BCAS3: variants seen among roughly 807,000 people sequenced by gnomAD.
BCAS3 encodes the protein BCAS4/BCAS3 fusion.
A neutral mutation model predicts 116.1 loss-of-function variants in BCAS3; 53 were observed. The ratio of observed to expected loss-of-function variants is 0.46; its 90% CI spans 0.37 to 0.57. The LOEUF is 0.57. BCAS3 is among the 20% of genes least tolerant of loss of function. The pLI is 0.00. For synonymous variants in BCAS3, 391 were observed against 408.2 expected, an observed-to-expected ratio of 0.96 and a Z score of 0.51; for missense variants, 917 against 1,165.4, an observed-to-expected ratio of 0.79 and a Z score of 3.10.
chr17:61,324,092 A>G lies in BCAS3; in HGVS notation c.2426-44235A>G, dbSNP rs1323590057. 6.6e-6 allele frequency among the ~76,000 whole-genome samples: 1 copy of G among 152,188 alleles called. No homozygotes were observed. Among genetic ancestry groups the G allele is most frequent in the African/African-American group, 2.4e-5 (1 of 41,438 alleles). On this transcript the variant is annotated intron_variant, in intron 22 of 23. Transcript: ENST00000407086. This position sits in a 1 kb window ranked among gnomAD's most constrained non-coding sequence, Gnocchi z 4.6. The stretch of plus-strand genomic sequence containing the variant: ...GTGTGCTCTTGTAACCCTCTGCTAG[A>G]TCACTTAGCACATGGGACATACTGG...
At chr17:60,861,523 C>T (rs1007785904) in intron 7 of BCAS3, among the ~76,000 whole-genome samples, 1 of 152,104 alleles carries the variant, frequency 6.6e-6, no homozygotes, top group Non-Finnish European at 1.5e-5. Context: ...ACTTCCAGAA[C>T]TGTGTTGAAT....
rs532319011 is a variant in BCAS3 at position 61,307,242 on chromosome 17, C to T, written c.2426-61085C>T. 1.1e-4 allele frequency among the ~76,000 whole-genome samples: 16 copies of T among 152,340 alleles called. No individual in the cohort carries two copies. Among genetic ancestry groups the T allele is most frequent in the African/African-American group, 3.8e-4 (16 of 41,578 alleles). On this transcript the variant is annotated intron_variant, in intron 22 of 23. Transcript: ENST00000407086. This position sits in a 1 kb window ranked among gnomAD's most constrained non-coding sequence, Gnocchi z 4.7. ...GGCCCCAGAATACCCCACAGTTACA[C>T]CTCAGCTGTGGGTTCCTCTGGGACT... is the stretch of plus-strand genomic sequence containing the variant.
chr17:60,682,283 T>A (rs1038026508), intron 2 of BCAS3, among the ~76,000 whole-genome samples: 1 of 152,152 alleles, frequency 6.6e-6, no homozygotes, highest in East Asian at 1.9e-4. Context: ...AAGGTCTTGA[T>A]TCAAAGAAGA....
chr17:60,904,771 T>C (rs1567835306), intron 11 of BCAS3, among the ~76,000 whole-genome samples: 1 of 152,222 alleles, frequency 6.6e-6, no homozygotes, highest in Non-Finnish European at 1.5e-5. Context: ...AGGCCGAGGC[T>C]ACAGTGAGCC....
At chr17:60,898,435 G>A (rs957101575) in intron 10 of BCAS3, among the ~76,000 whole-genome samples, 6 of 151,992 alleles carry the variant, frequency 3.9e-5, no homozygotes, top group East Asian at 1.9e-4. Flanking sequence ...GGGTGTGTGC[G>A]GTAATGTAGT....
intron 22 of BCAS3, chr17:61,086,728 C>G: frequency 1.0e-6 from 1 of 985,278 alleles, no homozygotes; most frequent in Non-Finnish European, 1.2e-6. Context: ...AGCCATGGTA[C>G]CTTTCTGAAA....
Position 61,021,535 on chromosome 17 carries a change from T to G in BCAS3, c.1637+5634T>G, listed in dbSNP as rs1257525634. ...GCCAGTGTGTCCTAGGTAAATTTCTTCACCTGAAAAAAAAAAGTTTATATA... is the reference window on the plus strand; with the variant it reads ...GCCAGTGTGTCCTAGGTAAATTTCTGCACCTGAAAAAAAAAAGTTTATATA... On this transcript the variant is annotated intron_variant, in intron 16 of 23. Transcript: ENST00000407086. This position sits in a 1 kb window ranked among gnomAD's most constrained non-coding sequence, Gnocchi z 4.6. Among the ~76,000 whole-genome samples the G allele has an allele frequency of 6.6e-6, 1 of 151,906 alleles. No individual in the cohort carries two copies. The highest frequency in any genetic ancestry group is 1.5e-5 in the Non-Finnish European group (1 of 67,980).
intron 16 of BCAS3, among the ~76,000 whole-genome samples, chr17:61,016,265 A>G (rs1187604036): frequency 6.6e-6 from 1 of 152,232 alleles, no homozygotes; most frequent in Non-Finnish European, 1.5e-5. Flanking sequence ...ATTTTGACAG[A>G]TACAAATATG....
intron 23 of BCAS3, among the ~76,000 whole-genome samples, chr17:61,374,628 G>A (rs553540390): frequency 3.9e-5 from 6 of 152,234 alleles, no homozygotes; most frequent in African/African-American, 7.2e-5. Flanking sequence ...CCTGCCTGCC[G>A]TCTCTTTAAC....
intron 22 of BCAS3, among the ~76,000 whole-genome samples, chr17:61,116,652 T>C (rs1007440269): frequency 6.6e-6 from 1 of 152,238 alleles, no homozygotes; most frequent in Middle Eastern, 3.2e-3. Flanking sequence ...GATCTTCCTT[T>C]AGTCATTCTT....
At chr17:60,794,809 T>C (rs1460940752) in intron 6 of BCAS3, among the ~76,000 whole-genome samples, 1 of 152,184 alleles carries the variant, frequency 6.6e-6, no homozygotes, top group Non-Finnish European at 1.5e-5. Context: ...ACTATGGCCT[T>C]AGAATATGGT....
intron 22 of BCAS3, among the ~76,000 whole-genome samples, chr17:61,275,589 G>A (rs116330474): frequency 0.019 from 2,964 of 152,296 alleles, 83 homozygotes; most frequent in African/African-American, 0.066. Context: ...GTGGCTCACT[G>A]CAGCCTTGTC....
At chr17:60,946,863 A>G (rs2060528112) in intron 13 of BCAS3, among the ~76,000 whole-genome samples, 1 of 152,118 alleles carries the variant, frequency 6.6e-6, no homozygotes, top group South Asian at 2.1e-4. Flanking sequence ...GTGAGCTGTG[A>G]TCAGGCACCT....
intron 22 of BCAS3, among the ~76,000 whole-genome samples, chr17:61,116,035 G>A (rs1236204380): frequency 7.0e-6 from 1 of 143,582 alleles, no homozygotes; most frequent in African/African-American, 2.6e-5. Flanking sequence ...GGTGGGAATT[G>A]AACAATGAGA....
intron 22 of BCAS3, among the ~76,000 whole-genome samples, chr17:61,114,082 T>C (rs371918348): frequency 3.8e-4 from 57 of 151,322 alleles, no homozygotes; most frequent in Admixed American, 1.6e-3. Flanking sequence ...ATTGATGGGA[T>C]GTATTTCAAA....
At chr17:61,155,857 A>G (rs1238721565) in intron 22 of BCAS3, among the ~76,000 whole-genome samples, 18 of 152,194 alleles carry the variant, frequency 1.2e-4, no homozygotes, top group Non-Finnish European at 7.3e-5. Flanking sequence ...CCTTTTAATC[A>G]TTTATTAACA....
At chr17:61,360,464 T>A (rs1423041213) in intron 22 of BCAS3, among the ~76,000 whole-genome samples, 1 of 152,200 alleles carries the variant, frequency 6.6e-6, no homozygotes, top group African/African-American at 2.4e-5. Flanking sequence ...ACAGATGTAT[T>A]CTCTTGTATT....
rs2049157149 is a variant in BCAS3, at chr17:61,261,022, G to A, written c.2426-107305G>A. ...GGCAGACATGGTGAAAAGGGTGTGG[G>A]AAGAAATTATTTAAAGGGTGAATGC... On this transcript the variant is annotated intron_variant, in intron 22 of 23. Transcript: ENST00000407086. The surrounding 1 kb of genome is among the most constrained non-coding windows in gnomAD (Gnocchi z 4.4). Among the ~76,000 whole-genome samples the A allele has an allele frequency of 6.6e-6, 1 of 152,174 alleles. No homozygotes were observed. Among genetic ancestry groups the A allele is most frequent in the Non-Finnish European group, 1.5e-5 (1 of 68,038 alleles).
intron 15 of BCAS3, among the ~76,000 whole-genome samples, chr17:61,001,864 A>G (rs986132400): frequency 6.6e-6 from 1 of 152,108 alleles, no homozygotes; most frequent in African/African-American, 2.4e-5. Context: ...AACATTTACT[A>G]TTTTCTCAAG....
Sources: allele counts gnomAD v4.1 joint callset (sites outside exome capture counted in the v4.1 genomes callset), GRCh38; gene constraint gnomAD v4.1.1; non-coding constraint Gnocchi (gnomAD v3.1); transcripts MANE v1.5; gene names NCBI Gene and HGNC (gene_info 2026-07-23, HGNC 2026-07-21).